PIK3AP1: variants seen among roughly 807,000 people sequenced by gnomAD.
PIK3AP1 encodes the protein phosphoinositide 3-kinase adapter protein 1.
A neutral mutation model predicts 88.1 loss-of-function variants in PIK3AP1; 21 were observed. That is an observed-to-expected ratio of 0.24 (90% confidence interval 0.17 to 0.34). The LOEUF (loss-of-function observed/expected upper bound fraction) is 0.34, where lower values mean the gene tolerates loss of function less well. Among genes scored for constraint, PIK3AP1 ranks in the 10% least tolerant of loss-of-function variants. PIK3AP1 has a pLI of 1.00. For synonymous variants in PIK3AP1, 398 were observed against 400.0 expected (o/e 1.00, Z 0.06); for missense variants, 828 against 1,035.7 (o/e 0.80, Z 2.75).
At chr10:96,620,642 A>G in intron 11 of PIK3AP1, 85 bp from the exon 12 acceptor site, 6 of 1,151,178 alleles carry the variant, frequency 5.2e-6, no homozygotes, top group Non-Finnish European at 7.6e-6. Context: ...GGCTGGTCAC[A>G]GGCTCAAGAG....
intron 10 of PIK3AP1, among the ~76,000 whole-genome samples, chr10:96,624,211 G>A (rs1315195839): frequency 6.6e-6 from 1 of 152,194 alleles, no homozygotes; most frequent in Non-Finnish European, 1.5e-5. Context: ...TGGTTGTGAT[G>A]AAGATTAAAT....
At chr10:96,657,161 A>G (rs982787549) in intron 2 of PIK3AP1, among the ~76,000 whole-genome samples, 2 of 152,210 alleles carry the variant, frequency 1.3e-5, no homozygotes, top group African/African-American at 4.8e-5. Flanking sequence ...GATGACAATC[A>G]TGGAGGGGAA....
At chr10:96,629,909 C>CAAAAAAAAAAA (rs66669261) in intron 8 of PIK3AP1, among the ~76,000 whole-genome samples, 5 of 5,408 alleles carry the variant, frequency 9.2e-4, no homozygotes, top group Non-Finnish European at 1.6e-3. Flanking sequence ...CAACAACAAC[C>CAAAAAAAAAAA]AAAAAAAAAA....
At chr10:96,598,661 A>C (rs994244034) in intron 16 of PIK3AP1, among the ~76,000 whole-genome samples, 2 of 152,256 alleles carry the variant, frequency 1.3e-5, no homozygotes, top group Non-Finnish European at 2.9e-5. Flanking sequence ...AGAGTATAGA[A>C]TATAATAGAA....
At chr10:96,651,790 G>A in intron 4 of PIK3AP1, 139 bp from the exon 5 acceptor site, 1 of 1,011,050 alleles carries the variant, frequency 9.9e-7, no homozygotes, top group Non-Finnish European at 1.4e-6. Flanking sequence ...AGGTGAGCTG[G>A]GGCGGGAGTG....
At chr10:96,618,910 C>T (rs1237789781) in intron 12 of PIK3AP1, 2 of 152,214 alleles carry the variant, frequency 1.3e-5, no homozygotes, top group Non-Finnish European at 2.9e-5. Context: ...ACCCGTGATT[C>T]CTGCATTCAG....
chr10:96,647,175 C>T (rs144351078), intron 7 of PIK3AP1, among the ~76,000 whole-genome samples: 67 of 152,278 alleles, frequency 4.4e-4, no homozygotes, highest in African/African-American at 1.5e-3. Flanking sequence ...AGATTGACTT[C>T]GGCACAAAAT....
At chr10:96,676,461 G>A (rs558625353) in intron 2 of PIK3AP1, among the ~76,000 whole-genome samples, 3 of 152,048 alleles carry the variant, frequency 2.0e-5, no homozygotes, top group East Asian at 1.9e-4. Flanking sequence ...GGCCCCAACT[G>A]AGCCAGCTCG....
chr10:96,645,537 G>T lies in PIK3AP1; in HGVS notation c.1311C>A (p.Pro437=). 6.2e-7 allele frequency: 1 copy of T among 1,614,020 alleles called. No individual in the cohort carries two copies. Among genetic ancestry groups the T allele is most frequent in the South Asian group, 1.1e-5 (1 of 91,068 alleles). The change falls in exon 8 of 17, where the codon CCC becomes CCA. Residue 437 remains proline, a synonymous_variant. Transcript: ENST00000339364. ...ACTCATAGAGATCCTCGTCACAGCC[G>T]GGGTTGAGCGAGCATTTCATAAGCA... ...TDLLMKCSLN[P]GCDEDLYESM...
intron 16 of PIK3AP1, among the ~76,000 whole-genome samples, chr10:96,597,668 A>G (rs901626075): frequency 1.3e-5 from 2 of 152,152 alleles, no homozygotes; most frequent in Non-Finnish European, 2.9e-5. Context: ...ACTGATCCCT[A>G]CGTTGGAGTA....
intron 7 of PIK3AP1, among the ~76,000 whole-genome samples, chr10:96,646,939 T>C (rs538388550): frequency 6.6e-6 from 1 of 152,324 alleles, no homozygotes; most frequent in Admixed American, 6.5e-5. Flanking sequence ...ATAGCTAATC[T>C]TTTATTGACA....
chr10:96,688,013 G>A (rs781658627), intron 2 of PIK3AP1, among the ~76,000 whole-genome samples: 5 of 152,198 alleles, frequency 3.3e-5, no homozygotes, highest in African/African-American at 4.8e-5. Context: ...ATGAAGGGGT[G>A]GGGGACAGGA....
chr10:96,659,523 A>G (rs1043471556), intron 2 of PIK3AP1, among the ~76,000 whole-genome samples: 3 of 152,110 alleles, frequency 2.0e-5, no homozygotes, highest in Admixed American at 1.3e-4. Flanking sequence ...TGAAGTGAAA[A>G]GTCTACGGTA....
chr10:96,644,017 C>G (rs1233818479), intron 8 of PIK3AP1, among the ~76,000 whole-genome samples: 1 of 152,228 alleles, frequency 6.6e-6, no homozygotes, highest in African/African-American at 2.4e-5. Flanking sequence ...CATGAATAAG[C>G]CTCTTAGAGG....
Position 96,628,388 on chromosome 10 carries a change from T to A in PIK3AP1, c.1471+10A>T. 6.3e-7 allele frequency: 1 copy of A among 1,584,262 alleles called. No homozygotes were observed. The highest frequency in any genetic ancestry group is 1.3e-5 in the African/African-American group (1 of 74,304). On this transcript the variant is annotated intron_variant, in intron 9 of 16. Coordinates refer to ENST00000339364, the MANE Select transcript of PIK3AP1 (RefSeq NM_152309.3). ...CTCTTTTGGCTTCCCTGCTCATGGC[T>A]ATGACTTACCTTCTAAAAACTTGCG...
intron 2 of PIK3AP1, among the ~76,000 whole-genome samples, chr10:96,695,340 G>A (rs1188296282): frequency 6.6e-6 from 1 of 152,238 alleles, no homozygotes; most frequent in Non-Finnish European, 1.5e-5. Context: ...CTATCTGCTA[G>A]TTATGATGAA....
chr10:96,645,334 G>T, intron 8 of PIK3AP1, 139 bp downstream of exon 8: 1 of 808,048 alleles, frequency 1.2e-6, no homozygotes, highest in Non-Finnish European at 1.9e-6. Flanking sequence ...TCCAGCCCTA[G>T]CTTTGTGTAA....
chr10:96,640,746 C>T lies in PIK3AP1; in HGVS notation c.1375+4727G>A, dbSNP rs11188866. Among the ~76,000 whole-genome samples the T allele has an allele frequency of 1.1e-4, 16 of 151,880 alleles. No homozygotes were observed. The East Asian group carries it at 1.9e-3, about 18-fold the overall frequency. On this transcript the variant is annotated intron_variant, in intron 8 of 16. Transcript: ENST00000339364. Reference sequence around the variant, plus strand: ...AGTCATGGCTCACTGCAGCCTTGAACGCCCAGGCTCAAGCGATTCTCCCAC... The same window carrying T: ...AGTCATGGCTCACTGCAGCCTTGAATGCCCAGGCTCAAGCGATTCTCCCAC...
chr10:96,628,895 T>TATATAC (rs1843195255), intron 8 of PIK3AP1, among the ~76,000 whole-genome samples: 2 of 29,420 alleles, frequency 6.8e-5, no homozygotes, highest in African/African-American at 9.5e-5. Flanking sequence ...TATACATATA[T>TATATAC]ATATATATAT....
Sources: gnomAD v4.1 joint callset for allele counts (sites outside exome capture counted in the v4.1 genomes callset) on GRCh38, gnomAD v4.1.1 for gene constraint, MANE v1.5 for transcripts, NCBI Gene and HGNC (gene_info 2026-07-23, HGNC 2026-07-21) for gene names.